LRP1B: variants seen among roughly 807,000 people sequenced by gnomAD.
LRP1B encodes the protein low-density lipoprotein receptor-related protein 1B.
A neutral mutation model predicts 556.6 loss-of-function variants in LRP1B; 217 were observed. That is an observed-to-expected ratio of 0.39 (90% CI 0.35 to 0.44). LRP1B has a LOEUF of 0.44. Ranked by LOEUF, LRP1B falls within the 20% of genes least tolerant of loss-of-function variation. The probability of loss-of-function intolerance (pLI) is 1.00; values close to 1 mark genes in which losing one functional copy is unlikely to be tolerated. For synonymous variants in LRP1B, 2,047 were observed against 1,865.8 expected, an observed-to-expected ratio of 1.10 and a Z score of -2.50; for missense variants, 5,053 against 5,620.8, an observed-to-expected ratio of 0.90 and a Z score of 3.23.
At position 140,711,612 on chromosome 2, in the gene LRP1B, T is replaced by G. The variant is rs116314290; in HGVS notation, c.6023+4361A>C. ...TCAAGTGTTATTATTCAATGTCATA[T>G]AAAATTCCTGCTTAGATTCTAGAAA... On this transcript the variant is annotated intron_variant, in intron 37 of 90. Coordinates refer to ENST00000389484, the MANE Select transcript of LRP1B (RefSeq NM_018557.3). 3.8e-3 allele frequency among the ~76,000 whole-genome samples: 582 copies of G among 152,166 alleles called. 2 individuals carry two copies. Among genetic ancestry groups the G allele is most frequent in the African/African-American group, 0.013 (553 of 41,550 alleles).
intron 14 of LRP1B, among the ~76,000 whole-genome samples, chr2:141,012,458 T>A (rs913790833): frequency 6.6e-6 from 1 of 152,036 alleles, no homozygotes; most frequent in Non-Finnish European, 1.5e-5. Context: ...AGGGTTTATA[T>A]GAATATAATA....
At chr2:141,437,261 T>C (rs1176486729) in intron 3 of LRP1B, among the ~76,000 whole-genome samples, 1 of 152,100 alleles carries the variant, frequency 6.6e-6, no homozygotes, top group Non-Finnish European at 1.5e-5. Flanking sequence ...AGGGTTTCTG[T>C]TAGAAGATTT....
chr2:140,518,393 A>G (rs1156843094), intron 49 of LRP1B, among the ~76,000 whole-genome samples: 1 of 152,118 alleles, frequency 6.6e-6, no homozygotes, highest in African/African-American at 2.4e-5. Flanking sequence ...CAAATATAAA[A>G]GTTGTGATTC....
intron 3 of LRP1B, among the ~76,000 whole-genome samples, chr2:141,442,502 C>A (rs1437647479): frequency 2.0e-5 from 3 of 148,288 alleles, no homozygotes; most frequent in African/African-American, 7.5e-5. Context: ...CATAGTTATA[C>A]AAGTGCCATG....
chr2:140,832,086 C>T (rs1270694696), intron 31 of LRP1B, among the ~76,000 whole-genome samples: 2 of 152,114 alleles, frequency 1.3e-5, no homozygotes, highest in East Asian at 3.9e-4. Flanking sequence ...TAATTTAATA[C>T]AGTTGACCTT....
In LRP1B at chr2:140,841,680, TAA is replaced by T. The variant is rs1488339190; in HGVS notation, c.4940-590_4940-589del. 2.0e-5 allele frequency among the ~76,000 whole-genome samples: 3 copies of T among 152,164 alleles called. No individual in the cohort carries two copies. The East Asian group carries it at 5.8e-4, about 29-fold the overall frequency. The stretch of plus-strand genomic sequence containing the variant: ...TCTGCAGAAAATTCTGAAATCGAAT[TAA>T]GTTTGGATTTGTTACAGCCAATATA... On this transcript the variant is annotated intron_variant, in intron 29 of 90. Coordinates refer to ENST00000389484, the MANE Select transcript of LRP1B (RefSeq NM_018557.3).
chr2:140,585,107 T>G (rs950126913), intron 43 of LRP1B, among the ~76,000 whole-genome samples: 1 of 152,134 alleles, frequency 6.6e-6, no homozygotes, highest in African/African-American at 2.4e-5. Flanking sequence ...AACTTATGAT[T>G]AATTATATAG....
chr2:140,673,050 T>A (rs532761707), intron 41 of LRP1B, among the ~76,000 whole-genome samples: 2 of 152,320 alleles, frequency 1.3e-5, no homozygotes, highest in African/African-American at 4.8e-5. Flanking sequence ...TCATTTGCAA[T>A]CTGGACAGAT....
intron 6 of LRP1B, 150 bp from the exon 7 acceptor site, chr2:141,188,733 C>A (rs1681371151): frequency 3.3e-6 from 2 of 614,370 alleles, no homozygotes; most frequent in East Asian, 5.8e-5. Context: ...TCTTGCTATG[C>A]CAAAATGTGA....
In LRP1B at chr2:141,337,309, T is replaced by C. The variant is rs75266111; in HGVS notation, c.344-82668A>G. ...ATAATAGTTGACAATGTTGAATATC[T>C]TTTCATGTGCTATTTAGCATTCTAA... On this transcript the variant is annotated intron_variant, in intron 3 of 90. Coordinates refer to ENST00000389484, the MANE Select transcript of LRP1B (RefSeq NM_018557.3). Among the ~76,000 whole-genome samples, 1,037 of 152,348 alleles carry C rather than the reference T, an allele frequency of 6.8e-3. 13 individuals carry two copies. Among genetic ancestry groups the C allele is most frequent in the African/African-American group, 0.024 (994 of 41,586 alleles).
chr2:140,623,977 T>TATATATA (rs1413110559), intron 41 of LRP1B, among the ~76,000 whole-genome samples: 1 of 142,462 alleles, frequency 7.0e-6, no homozygotes, highest in Non-Finnish European at 1.5e-5. Flanking sequence ...TATATATAGC[T>TATATATA]TAGTTGTTTT....
chr2:140,333,097 T>A (rs757247631), intron 79 of LRP1B, among the ~76,000 whole-genome samples: 10 of 152,018 alleles, frequency 6.6e-5, no homozygotes, highest in Non-Finnish European at 1.3e-4. Flanking sequence ...CTGGGCATAC[T>A]CACCTTCTTT....
rs967856969 is a variant in LRP1B at position 140,435,939 on chromosome 2, G to A, written c.10414+6565C>T. ...TTCAATGCAAAATAAATGCCATTAT[G>A]CGGGCTCTCTCTCACATACACACTC... On this transcript the variant is annotated intron_variant, in intron 66 of 90. Transcript: ENST00000389484. 1.1e-4 allele frequency among the ~76,000 whole-genome samples: 16 copies of A among 151,822 alleles called. 1 individual carries two copies. Among genetic ancestry groups the A allele is most frequent in the Non-Finnish European group, 1.3e-4 (9 of 67,848 alleles).
chr2:141,405,922 T>C (rs958981082), intron 3 of LRP1B, among the ~76,000 whole-genome samples: 12 of 152,102 alleles, frequency 7.9e-5, no homozygotes, highest in African/African-American at 2.9e-4. Context: ...TCCTCTACAA[T>C]ATAGCTCTTT....
chr2:141,758,550 G>A (rs983546991), intron 2 of LRP1B, among the ~76,000 whole-genome samples: 1 of 151,960 alleles, frequency 6.6e-6, no homozygotes, highest in African/African-American at 2.4e-5. Flanking sequence ...GAAATTAATA[G>A]GTAATCACTA....
intron 2 of LRP1B, among the ~76,000 whole-genome samples, chr2:141,774,669 A>C (rs1452263355): frequency 1.3e-5 from 2 of 152,220 alleles, no homozygotes; most frequent in Non-Finnish European, 2.9e-5. Context: ...TTTACAGTAC[A>C]GAACTTTTGG....
chr2:140,577,563 C>T (rs548343470), intron 43 of LRP1B, among the ~76,000 whole-genome samples: 8 of 151,874 alleles, frequency 5.3e-5, no homozygotes, highest in Middle Eastern at 6.8e-3. Flanking sequence ...CTTACAGGTA[C>T]GTGCCACCAT....
intron 84 of LRP1B, among the ~76,000 whole-genome samples, chr2:140,289,578 A>C (rs1315251763): frequency 6.6e-6 from 1 of 151,804 alleles, no homozygotes; most frequent in Admixed American, 6.6e-5. Flanking sequence ...CGTACGCCTA[A>C]AATTATTTTC....
chr2:140,871,506 A>C (rs568499753), intron 25 of LRP1B, among the ~76,000 whole-genome samples: 1 of 152,312 alleles, frequency 6.6e-6, no homozygotes, highest in African/African-American at 2.4e-5. Flanking sequence ...TTTATGAAGC[A>C]AACGTGAATC....
Sources: gnomAD v4.1 joint callset for allele counts (sites outside exome capture counted in the v4.1 genomes callset) on GRCh38, gnomAD v4.1.1 for gene constraint, MANE v1.5 for transcripts, NCBI Gene and HGNC (gene_info 2026-07-23, HGNC 2026-07-21) for gene names.